The following ABI3BP variants were observed in gnomAD, a reference collection of about 807,000 sequenced individuals.
ABI3BP encodes target of Nesh-SH3.
In ABI3BP, 216 loss-of-function variants were observed where a neutral mutation model predicts 268.6. That is an observed-to-expected ratio of 0.80 (90% CI 0.72 to 0.90). The LOEUF is 0.90. Ranked by LOEUF, ABI3BP falls within the 40% of genes least tolerant of loss-of-function variation. ABI3BP has a pLI of 0.00. For synonymous variants in ABI3BP, 730 were observed against 730.0 expected (o/e 1.00, Z 0.00); for missense variants, 2,090 against 2,182.4 (o/e 0.96, Z 0.84).
At position 100,813,661 on chromosome 3, in the gene ABI3BP, C is replaced by T; in HGVS notation, c.3364G>A (p.Val1122Ile). The T allele has an allele frequency of 6.5e-7, 1 of 1,533,662 alleles. No individual in the cohort carries two copies. The highest frequency in any genetic ancestry group is 8.7e-7 in the Non-Finnish European group (1 of 1,144,912). ...PSLEMTESQP[V>I]SDVLESVTLS... ...CAGACAGATAAAACAATCTATTTACCAGGTTGACTTTCTGTCATTTCTAGG... is the reference window on the plus strand; with the variant it reads ...CAGACAGATAAAACAATCTATTTACTAGGTTGACTTTCTGTCATTTCTAGG... The change falls in exon 45 of 68, where the codon GTT becomes ATT. Residue 1122 changes from valine (V) to isoleucine (I), a missense_variant and splice_region_variant. Coordinates refer to ENST00000471714, the MANE Select transcript of ABI3BP (RefSeq NM_001375547.2).
At chr3:100,811,110 C>G (rs1295678821) in intron 48 of ABI3BP, 120 bp downstream of exon 48, 7 of 773,676 alleles carry the variant, frequency 9.0e-6, no homozygotes, top group Non-Finnish European at 9.6e-6. Context: ...AGAAAAGTAA[C>G]TGCCATGGCG....
chr3:100,802,051 G>A (rs1310878860), intron 51 of ABI3BP, among the ~76,000 whole-genome samples: 1 of 152,106 alleles, frequency 6.6e-6, no homozygotes, highest in Admixed American at 6.6e-5. Flanking sequence ...ATTGCTTTAT[G>A]AACTGTATCA....
At chr3:100,940,829 T>TATAGATAG (rs1244113888) in intron 1 of ABI3BP, among the ~76,000 whole-genome samples, 3 of 41,232 alleles carry the variant, frequency 7.3e-5, no homozygotes, top group African/African-American at 1.8e-4. Context: ...TATATATATA[T>TATAGATAG]ATGATATGAT....
At chr3:100,811,824 G>C (rs1010784378) in intron 46 of ABI3BP, 25 bp from the exon 47 acceptor site, 1 of 1,526,958 alleles carries the variant, frequency 6.5e-7, no homozygotes, top group Admixed American at 2.0e-5. Context: ...GGAATGGCTG[G>C]TTAGTGGTGG....
At chr3:100,784,303 A>G (rs2096959058) in intron 57 of ABI3BP, among the ~76,000 whole-genome samples, 1 of 152,158 alleles carries the variant, frequency 6.6e-6, no homozygotes, top group Non-Finnish European at 1.5e-5. Context: ...TCCTATAGGA[A>G]CTACAAATTA....
chr3:100,786,057 T>C (rs1022811841), intron 57 of ABI3BP, among the ~76,000 whole-genome samples: 3 of 152,150 alleles, frequency 2.0e-5, no homozygotes, highest in Non-Finnish European at 2.9e-5. Context: ...TTCAGTGCTC[T>C]CTGGTTGAAG....
intron 1 of ABI3BP, among the ~76,000 whole-genome samples, chr3:100,961,695 A>G (rs561329918): frequency 6.6e-5 from 10 of 152,346 alleles, no homozygotes; most frequent in African/African-American, 2.4e-4. Flanking sequence ...TAAGTCGGCC[A>G]TAAAATTACC....
rs2095213074 is a variant in ABI3BP, at chr3:100,749,572, A to AGAC, written c.*920_*922dup. Reference sequence around the variant, plus strand: ...TACAGATTGAATTAAACAGTTACAAAGACATTCTCTGATACATTCATTCAT... The same window carrying AGAC: ...TACAGATTGAATTAAACAGTTACAAAGACGACATTCTCTGATACATTCATTCAT... On this transcript the variant is annotated 3_prime_UTR_variant, in exon 68 of 68. Coordinates refer to ENST00000471714, the MANE Select transcript of ABI3BP (RefSeq NM_001375547.2). The AGAC allele has an allele frequency of 2.5e-6, 1 of 397,622 alleles. No homozygotes were observed. Among genetic ancestry groups the AGAC allele is most frequent in the African/African-American group, 2.1e-5 (1 of 48,186 alleles). 24.6% of individuals were successfully genotyped at this position (397,622 alleles called of 1,614,324 possible). A position where few individuals can be genotyped will look rare whatever the true frequency, so the allele number is the denominator to read the frequency against.
At chr3:100,945,681 A>G (rs1281653562) in intron 1 of ABI3BP, 1 of 437,824 alleles carries the variant, frequency 2.3e-6, no homozygotes, top group Non-Finnish European at 4.5e-6. Flanking sequence ...TATTTGCTAA[A>G]TAGAATTTTA....
intron 9 of ABI3BP, among the ~76,000 whole-genome samples, chr3:100,868,710 G>A (rs939240575): frequency 3.3e-5 from 5 of 152,186 alleles, no homozygotes; most frequent in African/African-American, 1.2e-4. Flanking sequence ...GCAACAAATT[G>A]TGTGTTTCTG....
At chr3:100,940,332 A>C (rs988014679) in intron 1 of ABI3BP, among the ~76,000 whole-genome samples, 1 of 152,024 alleles carries the variant, frequency 6.6e-6, no homozygotes, top group Non-Finnish European at 1.5e-5. Flanking sequence ...GAAATTATAA[A>C]AGTATTAATT....
At position 100,820,242 on chromosome 3, in the gene ABI3BP, A is replaced by G. The variant is rs993639147; in HGVS notation, c.3009T>C (p.Pro1003=). Residue 1003 remains proline (P), a synonymous_variant, in exon 40 of 68, where the codon CCT becomes CCC. Coordinates refer to ENST00000471714, the MANE Select transcript of ABI3BP (RefSeq NM_001375547.2). ...TACCCAGTTTGGTTTGAGGAACCTC[A>G]GGACTTGGTGTGGTTTTAGTTTTGG... ...PRPKTKTTPS[P]EVPQTKLVPS... The G allele has an allele frequency of 6.5e-7, 1 of 1,536,228 alleles. No homozygotes were observed. Among genetic ancestry groups the G allele is most frequent in the Non-Finnish European group, 8.7e-7 (1 of 1,146,840 alleles).
At chr3:100,755,868 A>G (rs1041606026) in intron 63 of ABI3BP, among the ~76,000 whole-genome samples, 1 of 152,228 alleles carries the variant, frequency 6.6e-6, no homozygotes, top group Non-Finnish European at 1.5e-5. Context: ...GTCTTTGAGA[A>G]GTTTATAATT....
chr3:100,875,267 G>C (rs2099149508), intron 8 of ABI3BP, among the ~76,000 whole-genome samples: 1 of 152,162 alleles, frequency 6.6e-6, no homozygotes, highest in Non-Finnish European at 1.5e-5. Context: ...GGGCAGGTAG[G>C]ACAGGTGCCA....
intron 1 of ABI3BP, among the ~76,000 whole-genome samples, chr3:100,981,697 G>A (rs2089545693): frequency 6.6e-6 from 1 of 152,176 alleles, no homozygotes; most frequent in Admixed American, 6.5e-5. Flanking sequence ...ACTCCTTCAG[G>A]GAGAGCTGGA....
At chr3:100,820,432 C>A (rs2152641676) in intron 39 of ABI3BP, 129 bp from the exon 40 acceptor site, 1 of 623,040 alleles carries the variant, frequency 1.6e-6, no homozygotes, top group Non-Finnish European at 2.6e-6. Flanking sequence ...GTCTTTTTAA[C>A]TTTTTAATTA....
At chr3:100,840,239 TAGA>T (rs1311988063) in intron 22 of ABI3BP, 75 bp from the exon 23 acceptor site, 1 of 1,143,328 alleles carries the variant, frequency 8.7e-7, no homozygotes, top group African/African-American at 1.6e-5. Context: ...ACATCCATCT[TAGA>T]AGGACATTTA....
intron 67 of ABI3BP, 23 bp downstream of exon 67, chr3:100,751,529 A>T: frequency 6.4e-7 from 1 of 1,564,490 alleles, no homozygotes. Context: ...CTCTGTTCTT[A>T]TGAGGAGGAT....
At chr3:100,789,411 C>T (rs763838566) in intron 56 of ABI3BP, 43 bp downstream of exon 56, 2 of 1,562,344 alleles carry the variant, frequency 1.3e-6, no homozygotes, top group East Asian at 2.3e-5. Context: ...TTCATATCTT[C>T]CCCTGCCTGC....
Sources: gnomAD v4.1 joint callset for allele counts (sites outside exome capture counted in the v4.1 genomes callset) on GRCh38, gnomAD v4.1.1 for gene constraint, MANE v1.5 for transcripts, NCBI Gene and HGNC (gene_info 2026-07-23, HGNC 2026-07-21) for gene names.